The following PTDSS2 variants were observed in gnomAD, a reference collection of about 807,000 sequenced individuals.
PTDSS2 encodes phosphatidylserine synthase 2, also known as PSS-2.
A neutral mutation model predicts 64.7 loss-of-function variants in PTDSS2; 41 were observed. That is an observed-to-expected ratio of 0.63 (90% CI 0.49 to 0.82). PTDSS2 has a LOEUF of 0.82. PTDSS2 is among the 40% of genes least tolerant of loss of function. The pLI is 0.00. For synonymous variants in PTDSS2, 297 were observed against 277.8 expected (o/e 1.07, Z -0.69); for missense variants, 485 against 650.0 (o/e 0.75, Z 2.76).
chr11:457,203 C>G (rs1169729226), intron 1 of PTDSS2, among the ~76,000 whole-genome samples: 6 of 152,240 alleles, frequency 3.9e-5, no homozygotes, highest in African/African-American at 1.4e-4. Context: ...TTCATGAAAT[C>G]GGCTAAGTCC....
At position 488,671 on chromosome 11, in the gene PTDSS2, C is replaced by T. The variant is rs1014291299; in HGVS notation, c.854+24C>T. On this transcript the variant is annotated intron_variant, in intron 8 of 11. Transcript: ENST00000308020. ...AAGTACGTCGTGGGGGCTGCGAGGG[C>T]AGGGCCGGGTGGGGGTTACCTGGAG... 4.5e-6 allele frequency: 7 copies of T among 1,558,556 alleles called. No individual in the cohort carries two copies. The African/African-American group carries it at 8.1e-5, about 18-fold the overall frequency.
At chr11:465,480 T>A (rs1847101376) in intron 2 of PTDSS2, among the ~76,000 whole-genome samples, 1 of 149,618 alleles carries the variant, frequency 6.7e-6, no homozygotes, top group Non-Finnish European at 1.5e-5. Flanking sequence ...GGCATAATTA[T>A]AAAACATCTG....
intron 6 of PTDSS2, 56 bp from the exon 7 acceptor site, chr11:488,143 G>A: frequency 1.5e-6 from 2 of 1,341,626 alleles, no homozygotes; most frequent in Non-Finnish European, 2.1e-6. Flanking sequence ...ACGCACCCGT[G>A]GGCAGGGCCG....
In PTDSS2 at chr11:489,679, T is replaced by A; in HGVS notation, c.1061T>A (p.Phe354Tyr). 1.2e-6 allele frequency: 2 copies of A among 1,602,364 alleles called. No individual in the cohort carries two copies. The highest frequency in any genetic ancestry group is 1.7e-6 in the Non-Finnish European group (2 of 1,175,284). The stretch of plus-strand genomic sequence containing the variant: ...CTGGTCCTCCTGCGGCTCGTCTTCT[T>A]CGTGAACGTGGGTGGCGTGGCCATG... ...HYLVLLRLVFFVNVGGVAMRE... is the reference protein window; with the variant it reads ...HYLVLLRLVFYVNVGGVAMRE... Residue 354 changes from phenylalanine to tyrosine, a missense_variant, in exon 10 of 12, where the codon TTC (phenylalanine) becomes TAC (tyrosine). Phe to Tyr is a conservative substitution (Grantham distance 22). This residue lies in a region of PTDSS2 where 219 missense variants were observed against 257.3 expected (regional missense o/e 0.85). Transcript: ENST00000308020.
At chr11:466,399 C>CTT (rs1358932438) in intron 2 of PTDSS2, among the ~76,000 whole-genome samples, 12 of 145,838 alleles carry the variant, frequency 8.2e-5, no homozygotes, top group African/African-American at 2.8e-4. Flanking sequence ...AAAACTGCCA[C>CTT]TCTTTTTTTT....
Position 488,546 on chromosome 11 carries a change from C to T in PTDSS2, c.753C>T (p.Leu251=), listed in dbSNP as rs780809501. ...CWWDHWIMDV[L]VCNGLGIYCG... is the part of the protein sequence containing the mutation. ...CCCTGCAGTGGATCATGGACGTGCTCGTCTGCAACGGGCTGGGCATCTACT... is the reference window on the plus strand; with the variant it reads ...CCCTGCAGTGGATCATGGACGTGCTTGTCTGCAACGGGCTGGGCATCTACT... Residue 251 remains leucine, a synonymous_variant, in exon 8 of 12, where the codon CTC becomes CTT. Transcript: ENST00000308020. 4.3e-6 allele frequency: 7 copies of T among 1,613,406 alleles called. No homozygotes were observed. Among genetic ancestry groups the T allele is most frequent in the African/African-American group, 2.7e-5 (2 of 75,042 alleles).
At chr11:453,616 C>T (rs1486703275) in intron 1 of PTDSS2, among the ~76,000 whole-genome samples, 1 of 152,252 alleles carries the variant, frequency 6.6e-6, no homozygotes, top group South Asian at 2.1e-4. Context: ...CCAGCTTTGC[C>T]TACACCTGGG....
Position 479,548 on chromosome 11 carries a change from T to G in PTDSS2, c.435+396T>G. On this transcript the variant is annotated intron_variant, in intron 4 of 11. Coordinates refer to ENST00000308020, the MANE Select transcript of PTDSS2 (RefSeq NM_030783.3). The surrounding 1 kb of genome is among the most constrained non-coding windows in gnomAD (Gnocchi z 4.2). ...GTCGTATCTGAGTGCTGGTGGGGAC[T>G]GGGCGTGAAGGGAGCCGCAAGTCAG... 3.7e-6 allele frequency: 1 copy of G among 271,862 alleles called. No homozygotes were observed. Among genetic ancestry groups the G allele is most frequent in the Non-Finnish European group, 7.1e-6 (1 of 140,996 alleles). 16.8% of individuals were successfully genotyped at this position (271,862 alleles called of 1,614,324 possible).
intron 2 of PTDSS2, among the ~76,000 whole-genome samples, chr11:473,470 C>A (rs770771599): frequency 3.9e-5 from 6 of 152,194 alleles, no homozygotes; most frequent in Non-Finnish European, 7.3e-5. Flanking sequence ...CTGTGTAGAG[C>A]CAGTGTCTTC....
chr11:490,282 C>A, intron 11 of PTDSS2, 138 bp from the exon 12 acceptor site: 2 of 1,289,498 alleles, frequency 1.6e-6, no homozygotes, highest in East Asian at 2.5e-5. Flanking sequence ...TCTGCCACGG[C>A]TGCCGTCCCA....
chr11:471,328 T>G (rs1302758569), intron 2 of PTDSS2, among the ~76,000 whole-genome samples: 2 of 152,050 alleles, frequency 1.3e-5, no homozygotes, highest in Non-Finnish European at 2.9e-5. Flanking sequence ...CTCCTGACCT[T>G]TAATGATCCA....
intron 4 of PTDSS2, among the ~76,000 whole-genome samples, chr11:484,794 G>A (rs1848231778): frequency 7.0e-6 from 1 of 141,968 alleles, no homozygotes; most frequent in Non-Finnish European, 1.5e-5. Flanking sequence ...GCAGGCGAGT[G>A]TAAACTGCAC....
chr11:461,979 G>T lies in PTDSS2; in HGVS notation c.284+1691G>T, dbSNP rs1220519807. 6.6e-6 allele frequency among the ~76,000 whole-genome samples: 1 copy of T among 152,212 alleles called. No individual in the cohort carries two copies. Among genetic ancestry groups the T allele is most frequent in the African/African-American group, 2.4e-5 (1 of 41,448 alleles). ...AATTCATCCATCAGCACCTGGCTAG[G>T]AGGGTCTGTGGCATCTGCCGGGCAC... is the stretch of plus-strand genomic sequence containing the variant. On this transcript the variant is annotated intron_variant, in intron 2 of 11. Transcript: ENST00000308020. The surrounding 1 kb of genome is among the most constrained non-coding windows in gnomAD (Gnocchi z 4.2).
chr11:476,461 C>T lies in PTDSS2; in HGVS notation c.367+2484C>T, dbSNP rs973285280. ...TGGATTTGGAGGGAAGAAAAGCTGC[C>T]GGAAGCTCAACCCATGGCCGTCCTT... is the stretch of plus-strand genomic sequence containing the variant. On this transcript the variant is annotated intron_variant, in intron 3 of 11. Coordinates refer to ENST00000308020, the MANE Select transcript of PTDSS2 (RefSeq NM_030783.3). This position sits in a 1 kb window ranked among gnomAD's most constrained non-coding sequence, Gnocchi z 4.9. Among the ~76,000 whole-genome samples, 4 of 152,156 alleles carry T rather than the reference C, an allele frequency of 2.6e-5. No homozygotes were observed. Among genetic ancestry groups the T allele is most frequent in the East Asian group, 1.9e-4 (1 of 5,192 alleles).
At chr11:474,129 G>A (rs1209165034) in intron 3 of PTDSS2, 152 bp downstream of exon 3, 2 of 722,342 alleles carry the variant, frequency 2.8e-6, no homozygotes, top group Non-Finnish European at 2.5e-6. Context: ...ATGGACAAGG[G>A]CGTGGGGTTC....
Position 461,502 on chromosome 11 carries a change from C to T in PTDSS2, c.284+1214C>T, listed in dbSNP as rs950265182. ...CTGCAGCCTGCTCCCCAGATGAGCT[C>T]ACCCTCCATCCTCACCTGGGAGGCG... On this transcript the variant is annotated intron_variant, in intron 2 of 11. Coordinates refer to ENST00000308020, the MANE Select transcript of PTDSS2 (RefSeq NM_030783.3). This position sits in a 1 kb window ranked among gnomAD's most constrained non-coding sequence, Gnocchi z 4.2. 3.0e-4 allele frequency among the ~76,000 whole-genome samples: 45 copies of T among 152,130 alleles called. No individual in the cohort carries two copies. Among genetic ancestry groups the T allele is most frequent in the African/African-American group, 1.1e-3 (44 of 41,426 alleles).
At position 479,036 on chromosome 11, in the gene PTDSS2, G is replaced by A. The variant is rs772433169; in HGVS notation, c.368-49G>A. 30 of 1,531,724 alleles carry A rather than the reference G, an allele frequency of 2.0e-5. No homozygotes were observed. Among genetic ancestry groups the A allele is most frequent in the Middle Eastern group, 1.7e-4 (1 of 5,754 alleles). The allele number at this position is 1,531,724 out of a possible 1,614,324, so 94.9% of individuals were successfully genotyped here. A position where few individuals can be genotyped will look rare whatever the true frequency, so the allele number is the denominator to read the frequency against. ...AGCCGGCCTGGGGCTGAGCGGGGCC[G>A]TGGAGGCCTGGACCGGGCGCACTAA... On this transcript the variant is annotated intron_variant, in intron 3 of 11. Transcript: ENST00000308020. This position sits in a 1 kb window ranked among gnomAD's most constrained non-coding sequence, Gnocchi z 4.2.
intron 1 of PTDSS2, among the ~76,000 whole-genome samples, chr11:452,628 G>A (rs1846390317): frequency 6.6e-6 from 1 of 152,188 alleles, no homozygotes; most frequent in South Asian, 2.1e-4. Flanking sequence ...CTGGGTGGGT[G>A]GCTCTGGCTC....
rs1169123004 is a variant in PTDSS2 at position 479,049 on chromosome 11, C to T, written c.368-36C>T. 6.3e-7 allele frequency: 1 copy of T among 1,594,514 alleles called. No individual in the cohort carries two copies. The highest frequency in any genetic ancestry group is 1.1e-5 in the South Asian group (1 of 90,712). On this transcript the variant is annotated intron_variant, in intron 3 of 11. Coordinates refer to ENST00000308020, the MANE Select transcript of PTDSS2 (RefSeq NM_030783.3). The surrounding 1 kb of genome is among the most constrained non-coding windows in gnomAD (Gnocchi z 4.2). ...CTGAGCGGGGCCGTGGAGGCCTGGA[C>T]CGGGCGCACTAACGTTCTGTCGTCT...
Sources: gnomAD v4.1 joint callset for allele counts (sites outside exome capture counted in the v4.1 genomes callset) on GRCh38, gnomAD v4.1.1 for gene constraint, gnomAD v4.1.1 regional missense constraint, Gnocchi (gnomAD v3.1) non-coding constraint, MANE v1.5 for transcripts, NCBI Gene and HGNC (gene_info 2026-07-23, HGNC 2026-07-21) for gene names.